Variants in CYFIP1 observed in about 807,000 individuals in gnomAD.
The protein encoded by CYFIP1 is cytoplasmic FMR1 interacting protein 1, also known as cytoplasmic FMR1-interacting protein 1.
Under a neutral mutation model 163.5 loss-of-function variants are expected in CYFIP1, and 58 were observed. The observed-to-expected ratio is 0.35, with a 90% CI of 0.29 to 0.44. CYFIP1 has a LOEUF of 0.44. Ranked by LOEUF, CYFIP1 falls within the 20% of genes least tolerant of loss-of-function variation. The pLI, the probability that CYFIP1 is intolerant of heterozygous loss-of-function variation, is 1.00. For synonymous variants in CYFIP1, 663 were observed against 660.7 expected, an observed-to-expected ratio of 1.00 and a Z score of -0.05; for missense variants, 1,338 against 1,653.8, an observed-to-expected ratio of 0.81 and a Z score of 3.31.
intron 21 of CYFIP1, among the ~76,000 whole-genome samples, chr15:22,906,198 C>G (rs1206335194): frequency 4.0e-5 from 6 of 151,736 alleles, no homozygotes; most frequent in Non-Finnish European, 8.8e-5. Flanking sequence ...CCTCTGCCTC[C>G]TGGGTTCAAG....
intron 23 of CYFIP1, among the ~76,000 whole-genome samples, chr15:22,886,977 A>C (rs751053665): frequency 2.6e-5 from 4 of 152,232 alleles, no homozygotes; most frequent in Non-Finnish European, 4.4e-5. Flanking sequence ...ACGCATAAAC[A>C]TCTAGCATTG....
At chr15:22,879,078 G>A (rs1316690353) in intron 26 of CYFIP1, among the ~76,000 whole-genome samples, 4 of 151,080 alleles carry the variant, frequency 2.6e-5, no homozygotes, top group Admixed American at 6.6e-5. Context: ...GGAGCTTGCA[G>A]TGAGCCAACA....
At chr15:22,916,822 T>C (rs770619633) in intron 15 of CYFIP1, 192 bp from the exon 16 acceptor site, 2 of 1,559,702 alleles carry the variant, frequency 1.3e-6, no homozygotes, top group African/African-American at 1.4e-5. Context: ...AAAGAACAAC[T>C]TGTAGCGGAG....
intron 5 of CYFIP1, among the ~76,000 whole-genome samples, chr15:22,943,688 T>C (rs1352467915): frequency 2.0e-5 from 3 of 152,224 alleles, no homozygotes; most frequent in African/African-American, 7.2e-5. Flanking sequence ...AAGTGAAAAC[T>C]GGGAGAGATT....
rs561350979 is a variant in CYFIP1, at chr15:22,917,291, C to T, written c.1674+497G>A. ...GACCAGCCCCAGGACGGAGGACAGACGCAGCGGTGTGGATTAAACCGGGTG... is the reference window on the plus strand; with the variant it reads ...GACCAGCCCCAGGACGGAGGACAGATGCAGCGGTGTGGATTAAACCGGGTG... On this transcript the variant is annotated intron_variant, in intron 15 of 30. Transcript: ENST00000617928. The surrounding 1 kb of genome is among the most constrained non-coding windows in gnomAD (Gnocchi z 4.2). 259 of 1,361,340 alleles carry T rather than the reference C, an allele frequency of 1.9e-4. No individual in the cohort carries two copies. The African/African-American group carries it at 2.4e-3, about 12-fold the overall frequency. 84.3% of individuals were successfully genotyped at this position (1,361,340 alleles called of 1,614,324 possible). A position where few individuals can be genotyped will look rare whatever the true frequency, so the allele number is the denominator to read the frequency against.
At chr15:22,875,399 C>T in intron 26 of CYFIP1, 128 bp from the exon 27 acceptor site, 1 of 816,462 alleles carries the variant, frequency 1.2e-6, no homozygotes, top group Non-Finnish European at 2.1e-6. Context: ...TTATCTCTGT[C>T]AAGAGATTTC....
At position 22,944,951 on chromosome 15, in the gene CYFIP1, C is replaced by A; in HGVS notation, c.208-12G>T. Reference sequence around the variant, plus strand: ...TCCAGCATCTCGTTCTGCAATGGAACACAGGGCAAATCAAAGGCAGGCGGG... The same window carrying A: ...TCCAGCATCTCGTTCTGCAATGGAAAACAGGGCAAATCAAAGGCAGGCGGG... On this transcript the variant is annotated splice_polypyrimidine_tract_variant and intron_variant, in intron 3 of 30. Coordinates refer to ENST00000617928, the MANE Select transcript of CYFIP1 (RefSeq NM_014608.6). The A allele has an allele frequency of 6.2e-7, 1 of 1,613,156 alleles. No individual in the cohort carries two copies.
chr15:22,905,754 TG>T lies in CYFIP1; in HGVS notation c.2389-1850del, dbSNP rs937605872. Among the ~76,000 whole-genome samples the T allele has an allele frequency of 4.6e-4, 54 of 117,744 alleles. 1 individual carries two copies. Among genetic ancestry groups the T allele is most frequent in the South Asian group, 2.7e-3 (9 of 3,298 alleles). 77.2% of individuals were successfully genotyped at this position (117,744 alleles called of 152,430 possible). ...AGTGCCCAGCCTTCATTCTTATTTC[TG>T]TTTTTTTTTTTGTTTTTGTTTTGAG... On this transcript the variant is annotated intron_variant, in intron 21 of 30. Transcript: ENST00000617928.
At chr15:22,892,802 G>T in intron 23 of CYFIP1, 88 bp downstream of exon 23, 1 of 927,278 alleles carries the variant, frequency 1.1e-6, no homozygotes, top group Non-Finnish European at 1.7e-6. Context: ...ATACATTTAG[G>T]TCACTGCAAC....
In CYFIP1 at chr15:22,896,023, G is replaced by A. The variant is rs79099183; in HGVS notation, c.2589-3046C>T. 2.2e-3 allele frequency among the ~76,000 whole-genome samples: 338 copies of A among 152,286 alleles called. 4 individuals are homozygous for A. The highest frequency in any genetic ancestry group is 7.5e-3 in the African/African-American group (313 of 41,552). ...CACGCCCAGTGAGTACTGCGAATGT[G>A]TCACCTGAAGAGCTGGGGAGGGTGG... On this transcript the variant is annotated intron_variant, in intron 22 of 30. Coordinates refer to ENST00000617928, the MANE Select transcript of CYFIP1 (RefSeq NM_014608.6).
chr15:22,916,856 G>A (rs530831446), intron 15 of CYFIP1: 57 of 1,552,520 alleles, frequency 3.7e-5, no homozygotes, highest in African/African-American at 2.2e-4. Context: ...TGCCATAAAC[G>A]TCAAGAGAAA....
chr15:22,945,992 T>C (rs150379353), intron 3 of CYFIP1, among the ~76,000 whole-genome samples: 2 of 152,298 alleles, frequency 1.3e-5, no homozygotes, highest in Non-Finnish European at 2.9e-5. Flanking sequence ...TTGCTTTCTC[T>C]AGCACATTTT....
At chr15:22,920,118 CTTTTGAAATTAA>C (rs1340349122) in intron 13 of CYFIP1, among the ~76,000 whole-genome samples, 1 of 150,138 alleles carries the variant, frequency 6.7e-6, no homozygotes, top group Non-Finnish European at 1.5e-5. Flanking sequence ...CAAAAAAAAC[CTTTTGAAATTAA>C]GTATTTGACA....
At chr15:22,881,458 C>G (rs1468561905) in intron 25 of CYFIP1, among the ~76,000 whole-genome samples, 1 of 152,048 alleles carries the variant, frequency 6.6e-6, no homozygotes, top group Non-Finnish European at 1.5e-5. Flanking sequence ...TGCAGCTGGA[C>G]CTGCAGATGG....
At chr15:22,949,983 A>C (rs1419087527) in intron 1 of CYFIP1, among the ~76,000 whole-genome samples, 1 of 152,162 alleles carries the variant, frequency 6.6e-6, no homozygotes, top group Non-Finnish European at 1.5e-5. Flanking sequence ...AGAAAAATTA[A>C]CATACTTTTT....
chr15:22,925,474 G>A (rs2061328712), intron 13 of CYFIP1, among the ~76,000 whole-genome samples: 1 of 152,150 alleles, frequency 6.6e-6, no homozygotes, highest in Non-Finnish European at 1.5e-5. Flanking sequence ...GGTGAATTTC[G>A]CATCTCAGTG....
At chr15:22,895,480 ACTT>A (rs143218495) in intron 22 of CYFIP1, among the ~76,000 whole-genome samples, 3,218 of 152,138 alleles carry the variant, frequency 0.021, 112 homozygotes, top group African/African-American at 0.073. Flanking sequence ...CATTTCTACA[ACTT>A]CTTCTTGATT....
chr15:22,875,858 C>A (rs889582811), intron 26 of CYFIP1, among the ~76,000 whole-genome samples: 1 of 120,908 alleles, frequency 8.3e-6, no homozygotes, highest in Non-Finnish European at 1.8e-5. Flanking sequence ...GTAATAAAAA[C>A]CACACAAGGT....
In CYFIP1 at chr15:22,873,635, C is replaced by T. The variant is rs1461588195; in HGVS notation, c.3305G>A (p.Ser1102Asn). The change falls in exon 29 of 31, where the codon AGC becomes AAC. Residue 1102 changes from serine (S) to asparagine (N), a missense_variant. By Grantham distance (46) the Ser-to-Asn change is conservative. Coordinates refer to ENST00000617928, the MANE Select transcript of CYFIP1 (RefSeq NM_014608.6). ...MFEVILTRIR[S>N]FLDDPIWRGP... is the part of the protein sequence containing the mutation. ...GCGCCAGATGGGGTCATCCAGAAAG[C>T]TCCGGATCCGTGTCAGGATGACCTC... 7 of 1,614,274 alleles carry T rather than the reference C, an allele frequency of 4.3e-6. No individual in the cohort carries two copies. The highest frequency in any genetic ancestry group is 1.7e-6 in the Non-Finnish European group (2 of 1,180,048).
Sources: gnomAD v4.1 joint callset for allele counts (sites outside exome capture counted in the v4.1 genomes callset) on GRCh38, gnomAD v4.1.1 for gene constraint, Gnocchi (gnomAD v3.1) non-coding constraint, MANE v1.5 for transcripts, NCBI Gene and HGNC (gene_info 2026-07-23, HGNC 2026-07-21) for gene names.